Variants in MAMDC2 observed in about 807,000 individuals in gnomAD.
MAMDC2 encodes the protein MAM domain-containing protein 2.
In MAMDC2, 57 loss-of-function variants were observed where a neutral mutation model predicts 89.8. That is an observed-to-expected ratio of 0.63 (90% CI 0.51 to 0.79). The LOEUF (loss-of-function observed/expected upper bound fraction) is 0.79, where lower values mean the gene tolerates loss of function less well. Ranked by LOEUF, MAMDC2 falls within the 30% of genes least tolerant of loss-of-function variation. The pLI, the probability that MAMDC2 is intolerant of heterozygous loss-of-function variation, is 0.00. For missense variants in MAMDC2, 800 were observed against 820.6 expected, an observed-to-expected ratio of 0.97 and a Z score of 0.31; for synonymous variants, 313 against 293.4, an observed-to-expected ratio of 1.07 and a Z score of -0.68.
At chr9:70,216,405 T>G (rs901409760) in intron 11 of MAMDC2, 6 of 151,554 alleles carry the variant, frequency 4.0e-5, no homozygotes, top group African/African-American at 1.5e-4. Context: ...CCACATGGCC[T>G]TTCTTGGTGT....
At chr9:70,049,373 C>T (rs951810848) in intron 2 of MAMDC2, among the ~76,000 whole-genome samples, 1 of 152,046 alleles carries the variant, frequency 6.6e-6, no homozygotes, top group Non-Finnish European at 1.5e-5. Context: ...CAGTCATGTG[C>T]CAGTTATTAT....
chr9:70,118,293 A>T (rs1449472750), intron 5 of MAMDC2, among the ~76,000 whole-genome samples: 1 of 98,708 alleles, frequency 1.0e-5, no homozygotes, highest in Non-Finnish European at 2.0e-5. Flanking sequence ...CAACATCCCC[A>T]CTCAACACAC....
At chr9:70,135,363 C>T (rs1563969638) in intron 7 of MAMDC2, among the ~76,000 whole-genome samples, 2 of 152,154 alleles carry the variant, frequency 1.3e-5, no homozygotes, top group Non-Finnish European at 2.9e-5. Context: ...TCTGCACCCA[C>T]TCAGGTCACA....
chr9:70,180,077 T>C (rs567125938), intron 11 of MAMDC2, among the ~76,000 whole-genome samples: 94 of 151,576 alleles, frequency 6.2e-4, no homozygotes, highest in Non-Finnish European at 5.2e-4. Context: ...CGTGTTATCA[T>C]TGTTCAACTC....
chr9:70,146,438 G>C (rs1375053569), intron 9 of MAMDC2, among the ~76,000 whole-genome samples: 5 of 152,202 alleles, frequency 3.3e-5, no homozygotes, highest in Non-Finnish European at 7.3e-5. Flanking sequence ...GCAGGTCCCT[G>C]TTAGATAGAA....
At chr9:70,152,930 G>A (rs2031629820) in intron 9 of MAMDC2, among the ~76,000 whole-genome samples, 2 of 152,102 alleles carry the variant, frequency 1.3e-5, no homozygotes, top group Non-Finnish European at 2.9e-5. Flanking sequence ...ATTTAGCTGA[G>A]CAGAGAGAAA....
At chr9:70,066,042 G>C (rs1420175187) in intron 2 of MAMDC2, among the ~76,000 whole-genome samples, 1 of 152,174 alleles carries the variant, frequency 6.6e-6, no homozygotes, top group African/African-American at 2.4e-5. Context: ...TTATATTCTG[G>C]TAAGGGGAAA....
intron 11 of MAMDC2, among the ~76,000 whole-genome samples, chr9:70,203,097 T>G (rs183166434): frequency 0.068 from 10,308 of 151,746 alleles, 503 homozygotes; most frequent in East Asian, 0.22. Flanking sequence ...ATCCTGTCAT[T>G]ATGATGTTAG....
chr9:70,218,022 G>A (rs1399689019), intron 11 of MAMDC2, among the ~76,000 whole-genome samples: 1 of 152,062 alleles, frequency 6.6e-6, no homozygotes, highest in African/African-American at 2.4e-5. Flanking sequence ...GAAGCTTTAG[G>A]ATATTGTCCA....
At chr9:70,165,660 T>C (rs1315841794) in intron 9 of MAMDC2, among the ~76,000 whole-genome samples, 1 of 152,192 alleles carries the variant, frequency 6.6e-6, no homozygotes, top group African/African-American at 2.4e-5. Flanking sequence ...CACGAAGTAT[T>C]TGGAATATCC....
At chr9:70,125,770 C>T (rs1208766990) in intron 5 of MAMDC2, among the ~76,000 whole-genome samples, 2 of 152,170 alleles carry the variant, frequency 1.3e-5, no homozygotes, top group Non-Finnish European at 2.9e-5. Context: ...AGTCTTATGA[C>T]TCAAATAAGG....
rs1433504316 is a variant in MAMDC2 at position 70,126,425 on chromosome 9, C to T, written c.900+10C>T. The T allele has an allele frequency of 6.2e-7, 1 of 1,607,086 alleles. No homozygotes were observed. The highest frequency in any genetic ancestry group is 1.7e-5 in the Admixed American group (1 of 59,904). ...TCCTTACCCCATGGAGGTAGGTGTA[C>T]TGGTGCGCACCAGCTGTTCACTGGC... On this transcript the variant is annotated intron_variant, in intron 6 of 13. Transcript: ENST00000377182.
At chr9:70,102,320 A>T (rs1361018289) in intron 2 of MAMDC2, among the ~76,000 whole-genome samples, 1 of 152,186 alleles carries the variant, frequency 6.6e-6, no homozygotes, top group Non-Finnish European at 1.5e-5. Flanking sequence ...CAGTCACCCC[A>T]GCATGATTAT....
At chr9:70,141,000 T>G (rs560085343) in intron 8 of MAMDC2, among the ~76,000 whole-genome samples, 2 of 152,094 alleles carry the variant, frequency 1.3e-5, no homozygotes, top group African/African-American at 4.8e-5. Flanking sequence ...AAGAGCTTGA[T>G]CTCTAGGAGT....
intron 12 of MAMDC2, among the ~76,000 whole-genome samples, chr9:70,220,772 A>G (rs1290616127): frequency 3.3e-5 from 5 of 152,204 alleles, no homozygotes; most frequent in African/African-American, 1.2e-4. Flanking sequence ...ATTGGCCTGA[A>G]GGTCACAAGC....
intron 2 of MAMDC2, among the ~76,000 whole-genome samples, chr9:70,069,401 G>T (rs1227825502): frequency 6.6e-6 from 1 of 152,242 alleles, no homozygotes; most frequent in East Asian, 1.9e-4. Flanking sequence ...CACCTGCTTT[G>T]TTGGCTAACG....
chr9:70,166,999 C>A (rs1051900523), intron 9 of MAMDC2, among the ~76,000 whole-genome samples: 13 of 152,238 alleles, frequency 8.5e-5, no homozygotes, highest in Middle Eastern at 3.4e-3. Flanking sequence ...TAACCGCATT[C>A]AGGGCTGATG....
intron 2 of MAMDC2, among the ~76,000 whole-genome samples, chr9:70,049,475 GTCT>G (rs1826839339): frequency 6.6e-6 from 1 of 152,142 alleles, no homozygotes; most frequent in Non-Finnish European, 1.5e-5. Flanking sequence ...AGGAGAACCA[GTCT>G]TCTTCCTGCA....
intron 2 of MAMDC2, among the ~76,000 whole-genome samples, chr9:70,057,007 ATTATG>A (rs1211225072): frequency 6.6e-6 from 1 of 152,188 alleles, no homozygotes; most frequent in Non-Finnish European, 1.5e-5. Context: ...CTGATTCTAC[ATTATG>A]GTGAATTGTA....
Sources: gnomAD v4.1 joint callset for allele counts (sites outside exome capture counted in the v4.1 genomes callset) on GRCh38, gnomAD v4.1.1 for gene constraint, MANE v1.5 for transcripts, NCBI Gene and HGNC (gene_info 2026-07-23, HGNC 2026-07-21) for gene names.